The following SVOP variants were observed in gnomAD, a reference collection of about 807,000 sequenced individuals.
SVOP encodes synaptic vesicle 2-related protein.
Under a neutral mutation model 69.1 loss-of-function variants are expected in SVOP, and 17 were observed. That is an observed-to-expected ratio of 0.25 (90% CI 0.17 to 0.37). The LOEUF is 0.37. SVOP is among the 10% of genes least tolerant of loss of function. The pLI is 1.00. For missense variants in SVOP, 435 were observed against 597.5 expected (o/e 0.73, Z 2.84); for synonymous variants, 238 against 238.6 (o/e 1.00, Z 0.02).
intron 2 of SVOP, among the ~76,000 whole-genome samples, chr12:108,982,482 C>T (rs986580127): frequency 7.7e-4 from 113 of 147,170 alleles, no homozygotes; most frequent in Non-Finnish European, 1.4e-3. Context: ...ATTATCACCA[C>T]AATCATCATC....
intron 1 of SVOP, among the ~76,000 whole-genome samples, chr12:109,004,765 T>A (rs940023432): frequency 4.0e-5 from 6 of 151,448 alleles, no homozygotes; most frequent in African/African-American, 1.5e-4. Context: ...TTAGATGGAG[T>A]CTCACTCTGC....
chr12:109,019,973 T>G (rs1352410363), intron 1 of SVOP, among the ~76,000 whole-genome samples: 2 of 152,158 alleles, frequency 1.3e-5, no homozygotes, highest in African/African-American at 4.8e-5. Context: ...CTCTTACCAC[T>G]CAAATGGCTA....
At chr12:108,935,058 T>C (rs1370452318) in intron 10 of SVOP, among the ~76,000 whole-genome samples, 1 of 152,170 alleles carries the variant, frequency 6.6e-6, no homozygotes, top group African/African-American at 2.4e-5. Context: ...AACAGAACTA[T>C]GCTATACAAG....
chr12:108,945,274 A>G (rs2039916164), intron 6 of SVOP, 108 bp from the exon 7 acceptor site: 1 of 1,002,622 alleles, frequency 1.0e-6, no homozygotes, highest in African/African-American at 1.6e-5. Flanking sequence ...TGGTCAGTGA[A>G]CCACTTACAT....
chr12:109,006,965 C>G (rs1054358140), intron 1 of SVOP, among the ~76,000 whole-genome samples: 2 of 152,062 alleles, frequency 1.3e-5, no homozygotes, highest in African/African-American at 2.4e-5. Context: ...AGGAAGGAAG[C>G]TGTGTGGCCA....
intron 1 of SVOP, among the ~76,000 whole-genome samples, chr12:108,997,511 CACAG>C (rs1206940328): frequency 1.3e-5 from 2 of 152,152 alleles, no homozygotes; most frequent in African/African-American, 2.4e-5. Context: ...GCGGGCAGGG[CACAG>C]ACAAACAAAA....
At chr12:108,953,160 T>C (rs1474069908) in intron 6 of SVOP, among the ~76,000 whole-genome samples, 1 of 146,058 alleles carries the variant, frequency 6.8e-6, no homozygotes, top group African/African-American at 2.5e-5. Context: ...TTTCTTTTTT[T>C]TTTTTGAGAC....
intron 1 of SVOP, among the ~76,000 whole-genome samples, chr12:109,004,927 G>A (rs1161676881): frequency 1.3e-5 from 2 of 151,002 alleles, no homozygotes; most frequent in Admixed American, 1.3e-4. Flanking sequence ...TAGTAGAGAC[G>A]AGGTTTCACC....
intron 1 of SVOP, among the ~76,000 whole-genome samples, chr12:108,996,120 C>T (rs1026800793): frequency 2.0e-5 from 3 of 152,062 alleles, no homozygotes; most frequent in Non-Finnish European, 4.4e-5. Context: ...ATAATCCTGG[C>T]ATTTTGAGTG....
At chr12:108,963,065 C>G (rs1157667564) in intron 5 of SVOP, among the ~76,000 whole-genome samples, 1 of 152,136 alleles carries the variant, frequency 6.6e-6, no homozygotes, top group Non-Finnish European at 1.5e-5. Flanking sequence ...TAAACAAATA[C>G]TATTTTTATA....
At chr12:108,937,494 G>A (rs967658862) in intron 9 of SVOP, among the ~76,000 whole-genome samples, 157 bp from the exon 10 acceptor site, 4 of 152,102 alleles carry the variant, frequency 2.6e-5, no homozygotes, top group Admixed American at 6.6e-5. Flanking sequence ...TCTACAGGAC[G>A]CAGCCTCCCA....
In SVOP at chr12:108,912,451, C is replaced by T; in HGVS notation, c.*84G>A. On this transcript the variant is annotated 3_prime_UTR_variant, in exon 16 of 16. Transcript: ENST00000610966. Reference sequence around the variant, plus strand: ...CTCTTGGGTGAGTTCTTGATGTCGGCAGTGACAATCAGTGCCCCAGTTGGG... The same window carrying T: ...CTCTTGGGTGAGTTCTTGATGTCGGTAGTGACAATCAGTGCCCCAGTTGGG... 1.3e-6 allele frequency: 2 copies of T among 1,589,816 alleles called. No individual in the cohort carries two copies. The highest frequency in any genetic ancestry group is 1.7e-6 in the Non-Finnish European group (2 of 1,165,422).
rs398088949 is a variant in SVOP at position 109,018,109 on chromosome 12, A to G, written c.35+2725T>C. Among the ~76,000 whole-genome samples, 197 of 53,814 alleles carry G rather than the reference A, an allele frequency of 3.7e-3. No individual in the cohort carries two copies. In the African/African-American group the frequency reaches 0.052, roughly 14 times the overall value. The allele number at this position is 53,814 out of a possible 152,430, so 35.3% of individuals were successfully genotyped here. A position where few individuals can be genotyped will look rare whatever the true frequency, so the allele number is the denominator to read the frequency against. On this transcript the variant is annotated intron_variant, in intron 1 of 15. Transcript: ENST00000610966. ...AAATCAGTGAAAGAATGGATGGATG[A>G]ATGAATGAATGAATGAATGAATGAA...
At chr12:108,957,225 G>A (rs189211569) in intron 6 of SVOP, among the ~76,000 whole-genome samples, 81 of 152,246 alleles carry the variant, frequency 5.3e-4, no homozygotes, top group Admixed American at 2.9e-3. Flanking sequence ...TAGCAGTGGC[G>A]CGCTCTCAGC....
At chr12:108,960,170 G>C (rs985337667) in intron 6 of SVOP, among the ~76,000 whole-genome samples, 2 of 152,158 alleles carry the variant, frequency 1.3e-5, no homozygotes, top group Non-Finnish European at 2.9e-5. Context: ...TATATCTGCT[G>C]AAACTACTCA....
intron 14 of SVOP, among the ~76,000 whole-genome samples, chr12:108,917,037 G>A (rs1263887669): frequency 6.6e-6 from 1 of 152,210 alleles, no homozygotes; most frequent in Non-Finnish European, 1.5e-5. Context: ...GTGAACCACT[G>A]TGCCTGGCCT....
intron 6 of SVOP, among the ~76,000 whole-genome samples, chr12:108,957,435 A>T (rs914384650): frequency 2.6e-5 from 4 of 152,168 alleles, no homozygotes; most frequent in African/African-American, 9.7e-5. Flanking sequence ...AAGTGCTGGG[A>T]TTACAGACGT....
At chr12:109,015,633 C>T (rs1310765699) in intron 1 of SVOP, among the ~76,000 whole-genome samples, 1 of 43,938 alleles carries the variant, frequency 2.3e-5, no homozygotes, top group Non-Finnish European at 5.3e-5. Context: ...TGACAAAACC[C>T]CATCTCTATA....
chr12:108,989,544 C>A (rs189873933), intron 1 of SVOP, among the ~76,000 whole-genome samples: 4 of 152,142 alleles, frequency 2.6e-5, no homozygotes, highest in Non-Finnish European at 5.9e-5. Flanking sequence ...GGGTCCCGCC[C>A]GGGGGTGTGA....
Sources: gnomAD v4.1 joint callset for allele counts (sites outside exome capture counted in the v4.1 genomes callset) on GRCh38, gnomAD v4.1.1 for gene constraint, MANE v1.5 for transcripts, NCBI Gene and HGNC (gene_info 2026-07-23, HGNC 2026-07-21) for gene names.